EPB41L5: variants seen among roughly 807,000 people sequenced by gnomAD.
The protein encoded by EPB41L5 is band 4.1-like protein 5.
Under a neutral mutation model 106.6 loss-of-function variants are expected in EPB41L5, and 55 were observed. The ratio of observed to expected loss-of-function variants is 0.52; its 90% CI spans 0.42 to 0.65. The LOEUF (loss-of-function observed/expected upper bound fraction) is 0.65, where lower values mean the gene tolerates loss of function less well. EPB41L5 is among the 30% of genes least tolerant of loss of function. The probability of loss-of-function intolerance (pLI) is 0.00; values close to 1 mark genes in which losing one functional copy is unlikely to be tolerated. For synonymous variants in EPB41L5, 297 were observed against 306.7 expected (o/e 0.97, Z 0.33); for missense variants, 871 against 882.1 (o/e 0.99, Z 0.16).
At chr2:120,097,389 C>G (rs1683829508) in intron 14 of EPB41L5, among the ~76,000 whole-genome samples, 1 of 152,174 alleles carries the variant, frequency 6.6e-6, no homozygotes, top group Non-Finnish European at 1.5e-5. Flanking sequence ...GAAAACAGTA[C>G]TGTTTGAAAA....
At chr2:120,134,393 C>T (rs1713073) in intron 18 of EPB41L5, among the ~76,000 whole-genome samples, 39,274 of 151,948 alleles carry the variant, frequency 0.26, 5,460 homozygotes, top group South Asian at 0.35. Flanking sequence ...ATGCACAAGT[C>T]TGGCTGGATT....
chr2:120,100,876 G>A, intron 16 of EPB41L5, 62 bp downstream of exon 16: 1 of 1,140,980 alleles, frequency 8.8e-7, no homozygotes, highest in Non-Finnish European at 1.3e-6. Context: ...GGAATTCCAA[G>A]TCATAATCTT....
intron 16 of EPB41L5, among the ~76,000 whole-genome samples, chr2:120,112,639 AG>A: frequency 6.6e-6 from 1 of 152,218 alleles, no homozygotes; most frequent in East Asian, 1.9e-4. Flanking sequence ...TTACGGGCCC[AG>A]GGACCTATAG....
At chr2:120,130,782 T>C (rs1223633479) in intron 17 of EPB41L5, among the ~76,000 whole-genome samples, 3 of 152,212 alleles carry the variant, frequency 2.0e-5, no homozygotes, top group African/African-American at 7.2e-5. Context: ...TTAACGTGTA[T>C]CCGGGGCCTC....
chr2:120,045,312 A>G (rs1190158658), intron 3 of EPB41L5, among the ~76,000 whole-genome samples: 1 of 152,104 alleles, frequency 6.6e-6, no homozygotes, highest in Non-Finnish European at 1.5e-5. Flanking sequence ...AAAATTGTTT[A>G]CTTTTTATTA....
At chr2:120,044,127 A>C (rs1227513653) in intron 3 of EPB41L5, among the ~76,000 whole-genome samples, 1 of 151,296 alleles carries the variant, frequency 6.6e-6, no homozygotes, top group Non-Finnish European at 1.5e-5. Context: ...GTAACAGAGC[A>C]AGACCCTGTC....
At chr2:120,048,041 T>A (rs1220355322) in intron 3 of EPB41L5, among the ~76,000 whole-genome samples, 2 of 152,234 alleles carry the variant, frequency 1.3e-5, no homozygotes, top group African/African-American at 4.8e-5. Context: ...AGCTTTTTGA[T>A]GTGCTCCTGG....
chr2:120,054,094 C>T (rs1355420027), intron 3 of EPB41L5, among the ~76,000 whole-genome samples: 1 of 152,130 alleles, frequency 6.6e-6, no homozygotes. Context: ...TTTGTTTAGC[C>T]ATCCTAGTTG....
intron 3 of EPB41L5, among the ~76,000 whole-genome samples, chr2:120,042,511 A>T (rs1028906939): frequency 6.6e-6 from 1 of 152,178 alleles, no homozygotes; most frequent in Non-Finnish European, 1.5e-5. Context: ...GTAGACTAGG[A>T]TATCTCTAAG....
chr2:120,147,405 C>T (rs1408191178), intron 20 of EPB41L5, among the ~76,000 whole-genome samples: 5 of 151,786 alleles, frequency 3.3e-5, no homozygotes, highest in Admixed American at 6.6e-5. Flanking sequence ...CACTTTGGAT[C>T]GCCTGAGGTC....
At chr2:120,134,003 G>A (rs1333730528) in intron 18 of EPB41L5, among the ~76,000 whole-genome samples, 1 of 152,118 alleles carries the variant, frequency 6.6e-6, no homozygotes, top group African/African-American at 2.4e-5. Flanking sequence ...CATACCATGG[G>A]CCGGAAGGGA....
At chr2:120,022,772 T>C (rs1678026205) in intron 2 of EPB41L5, among the ~76,000 whole-genome samples, 1 of 152,210 alleles carries the variant, frequency 6.6e-6, no homozygotes, top group African/African-American at 2.4e-5. Flanking sequence ...TCTTCCACAA[T>C]GGTTGAACTA....
chr2:120,102,396 T>C (rs1684197699), intron 16 of EPB41L5, among the ~76,000 whole-genome samples: 1 of 152,200 alleles, frequency 6.6e-6, no homozygotes, highest in African/African-American at 2.4e-5. Flanking sequence ...AGTAAAGTGA[T>C]GCTCTTTATA....
intron 17 of EPB41L5, 97 bp from the exon 18 acceptor site, chr2:120,131,521 C>A (rs1402599002): frequency 8.2e-6 from 6 of 727,344 alleles, no homozygotes; most frequent in Non-Finnish European, 1.2e-5. Context: ...TTGATGATAA[C>A]TGATGTTGAG....
chr2:120,166,398 C>T (rs749282372), intron 22 of EPB41L5, among the ~76,000 whole-genome samples: 4 of 151,626 alleles, frequency 2.6e-5, no homozygotes, highest in Admixed American at 1.3e-4. Flanking sequence ...TATTTTTTCT[C>T]TCTTATTTCC....
chr2:120,177,837 C>T lies in EPB41L5; in HGVS notation c.*2930C>T, dbSNP rs1687972279. On this transcript the variant is annotated 3_prime_UTR_variant, in exon 25 of 25. Coordinates refer to ENST00000263713, the MANE Select transcript of EPB41L5 (RefSeq NM_020909.4). Reference sequence around the variant, plus strand: ...CTATGGAGATTTAAGGATGAAAGCCCTGAGTTGTTCTTGGGTTCTTGGATC... The same window carrying T: ...CTATGGAGATTTAAGGATGAAAGCCTTGAGTTGTTCTTGGGTTCTTGGATC... 6.6e-6 allele frequency: 1 copy of T among 152,168 alleles called. No individual in the cohort carries two copies. Among genetic ancestry groups the T allele is most frequent in the Admixed American group, 6.5e-5 (1 of 15,274 alleles). 9.4% of individuals were successfully genotyped at this position (152,168 alleles called of 1,614,324 possible). A position where few individuals can be genotyped will look rare whatever the true frequency, so the allele number is the denominator to read the frequency against.
chr2:120,076,843 T>C, intron 7 of EPB41L5, 128 bp from the exon 8 acceptor site: 1 of 809,666 alleles, frequency 1.2e-6, no homozygotes, highest in Non-Finnish European at 1.9e-6. Flanking sequence ...TGGAGACTTG[T>C]CTGAGTATTA....
intron 5 of EPB41L5, 36 bp from the exon 6 acceptor site, chr2:120,075,440 C>A: frequency 2.3e-6 from 3 of 1,324,104 alleles, no homozygotes; most frequent in Non-Finnish European, 3.2e-6. Context: ...GTCGATTGTG[C>A]TGTTGGGTTA....
At chr2:120,072,976 C>T (rs561261815) in intron 3 of EPB41L5, among the ~76,000 whole-genome samples, 8 of 151,056 alleles carry the variant, frequency 5.3e-5, no homozygotes, top group Non-Finnish European at 8.8e-5. Flanking sequence ...TTTTTGTTCA[C>T]GTGTGTCATA....
Sources: allele counts gnomAD v4.1 joint callset (sites outside exome capture counted in the v4.1 genomes callset), GRCh38; gene constraint gnomAD v4.1.1; transcripts MANE v1.5; gene names NCBI Gene and HGNC (gene_info 2026-07-23, HGNC 2026-07-21).